The following BACE2 variants were observed in gnomAD, a reference collection of about 807,000 sequenced individuals.
BACE2 encodes 56 kDa aspartic-like protease.
In BACE2, 17 loss-of-function variants were observed where a neutral mutation model predicts 46.2. That is an observed-to-expected ratio of 0.37 (90% confidence interval 0.25 to 0.55). The LOEUF (loss-of-function observed/expected upper bound fraction) is 0.55, where lower values mean the gene tolerates loss of function less well. Among genes scored for constraint, BACE2 ranks in the 20% least tolerant of loss-of-function variants. The pLI is 0.82. For synonymous variants in BACE2, 277 were observed against 295.9 expected (o/e 0.94, Z 0.66); for missense variants, 595 against 698.1 (o/e 0.85, Z 1.66).
chr21:41,252,705 A>G (rs952211810), intron 7 of BACE2, among the ~76,000 whole-genome samples: 6 of 152,214 alleles, frequency 3.9e-5, no homozygotes, highest in Non-Finnish European at 8.8e-5. Flanking sequence ...GAATGGACAC[A>G]TCAATATGTC....
intron 2 of BACE2, among the ~76,000 whole-genome samples, chr21:41,232,515 A>G (rs1986995034): frequency 6.6e-6 from 1 of 152,238 alleles, no homozygotes; most frequent in South Asian, 2.1e-4. Flanking sequence ...CTGGGGCCTC[A>G]GTGGAGGCAT....
At chr21:41,242,224 G>T (rs1156294144) in intron 4 of BACE2, among the ~76,000 whole-genome samples, 1 of 152,060 alleles carries the variant, frequency 6.6e-6, no homozygotes, top group Non-Finnish European at 1.5e-5. Flanking sequence ...TTCTGTGGGT[G>T]GGGGAGGGAC....
chr21:41,221,596 A>T (rs747430572), intron 1 of BACE2, among the ~76,000 whole-genome samples: 1 of 152,056 alleles, frequency 6.6e-6, no homozygotes, highest in East Asian at 1.9e-4. Flanking sequence ...GAGGCCGCAG[A>T]GGGTGGATCA....
At chr21:41,172,412 A>C (rs1377444944) in intron 1 of BACE2, among the ~76,000 whole-genome samples, 2 of 152,228 alleles carry the variant, frequency 1.3e-5, no homozygotes, top group East Asian at 3.8e-4. Flanking sequence ...GGCTCACCTC[A>C]TTGTATCCTT....
intron 1 of BACE2, among the ~76,000 whole-genome samples, chr21:41,172,310 G>A (rs922343648): frequency 1.3e-5 from 2 of 152,224 alleles, no homozygotes; most frequent in African/African-American, 2.4e-5. Flanking sequence ...AGGGACAGGA[G>A]TCTGAGAAAT....
chr21:41,169,776 G>A (rs112721315), intron 1 of BACE2, among the ~76,000 whole-genome samples: 56 of 152,256 alleles, frequency 3.7e-4, no homozygotes, highest in Non-Finnish European at 3.2e-4. Flanking sequence ...CTTCAAAAGC[G>A]TATATTCAAA....
chr21:41,237,838 G>A, intron 3 of BACE2, 109 bp downstream of exon 3: 2 of 829,990 alleles, frequency 2.4e-6, no homozygotes, highest in South Asian at 1.6e-5. Context: ...GAGACAGTGA[G>A]AACCACGTGG....
chr21:41,252,283 C>G (rs1489694540), intron 7 of BACE2, among the ~76,000 whole-genome samples: 1 of 152,174 alleles, frequency 6.6e-6, no homozygotes, highest in Non-Finnish European at 1.5e-5. Context: ...CACTGACCCT[C>G]AAGGCCTCTT....
At chr21:41,273,485 G>A (rs543605203) in intron 8 of BACE2, among the ~76,000 whole-genome samples, 6 of 152,204 alleles carry the variant, frequency 3.9e-5, no homozygotes, top group Admixed American at 6.5e-5. Flanking sequence ...ATAATTCAGC[G>A]ATATTTCTCC....
intron 6 of BACE2, among the ~76,000 whole-genome samples, chr21:41,246,915 A>G (rs1338814222): frequency 6.6e-6 from 1 of 152,172 alleles, no homozygotes; most frequent in Non-Finnish European, 1.5e-5. Flanking sequence ...TGTTTAGTAG[A>G]TGCTTGGAGC....
intron 1 of BACE2, among the ~76,000 whole-genome samples, chr21:41,196,365 C>G (rs1376974341): frequency 6.7e-6 from 1 of 149,548 alleles, no homozygotes; most frequent in Non-Finnish European, 1.5e-5. Flanking sequence ...GAAGTCTATA[C>G]AAACATTACA....
In BACE2 at chr21:41,277,286, G is replaced by C. The variant is rs1418553853; in HGVS notation, c.*1662G>C. 1 of 152,082 alleles carries C rather than the reference G, an allele frequency of 6.6e-6. No homozygotes were observed. The allele number at this position is 152,082 out of a possible 1,614,324, so 9.4% of individuals were successfully genotyped here. A position where few individuals can be genotyped will look rare whatever the true frequency, so the allele number is the denominator to read the frequency against. On this transcript the variant is annotated 3_prime_UTR_variant, in exon 9 of 9. Coordinates refer to ENST00000330333, the MANE Select transcript of BACE2 (RefSeq NM_012105.5). ...CGTGGAGGCCACGTCGGCTTGTCATGGTGTCCTGGAAGACTCTCCAGCAGC... is the reference window on the plus strand; with the variant it reads ...CGTGGAGGCCACGTCGGCTTGTCATCGTGTCCTGGAAGACTCTCCAGCAGC...
In BACE2 at chr21:41,251,825, AAAAGAAAAAG is replaced by A. The variant is rs1437030147; in HGVS notation, c.1134+938_1134+947del. On this transcript the variant is annotated intron_variant, in intron 7 of 8. Coordinates refer to ENST00000330333, the MANE Select transcript of BACE2 (RefSeq NM_012105.5). ...AGAAAAAAAACAAAAAACAAAAAAG[AAAAGAAAAAG>A]AAAGAAAAAGAAAAACTAGATTGCC... Among the ~76,000 whole-genome samples, 13 of 152,104 alleles carry A rather than the reference AAAAGAAAAAG, an allele frequency of 8.5e-5. No individual in the cohort carries two copies. The East Asian group carries it at 1.4e-3, about 16-fold the overall frequency.
chr21:41,231,099 G>T (rs973900505), intron 2 of BACE2, among the ~76,000 whole-genome samples: 1 of 152,178 alleles, frequency 6.6e-6, no homozygotes, highest in East Asian at 1.9e-4. Context: ...GGCTAAACTG[G>T]ATACAGATCA....
At chr21:41,226,571 G>A (rs373742437) in intron 2 of BACE2, among the ~76,000 whole-genome samples, 3 of 152,202 alleles carry the variant, frequency 2.0e-5, no homozygotes, top group Non-Finnish European at 4.4e-5. Flanking sequence ...TGGCCTTCAC[G>A]CATTTACATG....
intron 8 of BACE2, among the ~76,000 whole-genome samples, chr21:41,271,111 C>T (rs959878753): frequency 5.3e-5 from 8 of 152,060 alleles, no homozygotes; most frequent in African/African-American, 1.9e-4. Flanking sequence ...AATAATATAG[C>T]CACTCTGGAT....
At chr21:41,264,781 G>A (rs894868305) in intron 8 of BACE2, among the ~76,000 whole-genome samples, 3 of 152,128 alleles carry the variant, frequency 2.0e-5, no homozygotes, top group Admixed American at 2.0e-4. Context: ...TGGGGACACA[G>A]TGCCAAACCA....
intron 1 of BACE2, chr21:41,186,400 A>G (rs1324796674): frequency 1.3e-5 from 2 of 152,236 alleles, no homozygotes; most frequent in Non-Finnish European, 2.9e-5. Flanking sequence ...AGAGCTCGGT[A>G]GTGTTAGCAG....
intron 1 of BACE2, among the ~76,000 whole-genome samples, chr21:41,199,371 G>A (rs1985869323): frequency 6.6e-6 from 1 of 152,056 alleles, no homozygotes; most frequent in Non-Finnish European, 1.5e-5. Context: ...CTGGCGAGGA[G>A]GAAGAACTGA....
Sources: gnomAD v4.1 joint callset for allele counts (sites outside exome capture counted in the v4.1 genomes callset) on GRCh38, gnomAD v4.1.1 for gene constraint, MANE v1.5 for transcripts, NCBI Gene and HGNC (gene_info 2026-07-23, HGNC 2026-07-21) for gene names.